The following PCDHA9 variants were observed in gnomAD, a reference collection of about 807,000 sequenced individuals.
PCDHA9 encodes protocadherin alpha 9.
In PCDHA9, 62 loss-of-function variants were observed where a neutral mutation model predicts 62.0. The ratio of observed to expected loss-of-function variants is 1.00; its 90% CI spans 0.81 to 1.23. The LOEUF (loss-of-function observed/expected upper bound fraction) is 1.23. Ranked by LOEUF, PCDHA9 falls within the 50% of genes most tolerant of loss-of-function variation. The probability of loss-of-function intolerance (pLI) is 0.00; values close to 1 mark genes in which losing one functional copy is unlikely to be tolerated. For missense variants in PCDHA9, 1,205 were observed against 1,249.8 expected (o/e 0.96, Z 0.54); for synonymous variants, 557 against 567.6 (o/e 0.98, Z 0.27).
chr5:140,994,434 G>A (rs1238502710), intron 3 of PCDHA9, among the ~76,000 whole-genome samples: 1 of 152,156 alleles, frequency 6.6e-6, no homozygotes, highest in African/African-American at 2.4e-5. Flanking sequence ...CGGGCGCAGT[G>A]GCTCACACCT....
chr5:140,850,095 C>T lies in PCDHA9; in HGVS notation c.1600C>T (p.Gln534Ter), dbSNP rs139719626. 631 of 1,596,304 alleles carry T rather than the reference C, an allele frequency of 4.0e-4. 37 individuals are homozygous for T. In the African/African-American group the frequency reaches 7.2e-3, roughly 18 times the overall value. Residue 534 changes from glutamine (Q) to a stop codon, truncating the protein, a stop_gained, in exon 1 of 4, where the codon CAG becomes TAG. Transcript: ENST00000532602. LOFTEE classifies it high-confidence loss of function. ...CGAGGAGCTGGAGCTGCTACAGTTC[C>T]AGGTGAGCGCGCGCGACGCGGGCGT... ...DHEELELLQFQVSARDAGVPP... is the reference protein window; with the variant it reads ...DHEELELLQF
rs1325390456 is a variant in PCDHA9, at chr5:140,928,073, A to G, written c.2395-50876A>G. 8.7e-6 allele frequency: 14 copies of G among 1,614,066 alleles called. No homozygotes were observed. The highest frequency in any genetic ancestry group is 8.0e-5 in the African/African-American group (6 of 74,934). On this transcript the variant is annotated intron_variant, in intron 1 of 3. Coordinates refer to ENST00000532602, the MANE Select transcript of PCDHA9 (RefSeq NM_031857.2). ...CAGCTGACGGCTTCCTTTGACAACTACTACAGCCTGCTGATTGATGGGCCC... is the reference window on the plus strand; with the variant it reads ...CAGCTGACGGCTTCCTTTGACAACTGCTACAGCCTGCTGATTGATGGGCCC...
intron 1 of PCDHA9, chr5:140,871,434 A>G (rs781977570): frequency 1.9e-6 from 3 of 1,612,514 alleles, no homozygotes; most frequent in Non-Finnish European, 2.5e-6. Context: ...GTCTTCCTCT[A>G]GGTCTGAATA....
At chr5:140,949,670 T>G (rs1218670800) in intron 1 of PCDHA9, among the ~76,000 whole-genome samples, 2 of 151,862 alleles carry the variant, frequency 1.3e-5, no homozygotes, top group African/African-American at 4.8e-5. Flanking sequence ...CTTTAAAGTA[T>G]GCCCTTGTTG....
chr5:140,935,341 G>A (rs1318000398), intron 1 of PCDHA9, among the ~76,000 whole-genome samples: 5 of 152,046 alleles, frequency 3.3e-5, no homozygotes, highest in Non-Finnish European at 5.9e-5. Context: ...TCTCCCATAC[G>A]TCAAATCCCA....
chr5:140,856,704 C>T, intron 1 of PCDHA9: 1 of 1,596,654 alleles, frequency 6.3e-7, no homozygotes, highest in Non-Finnish European at 8.6e-7. Context: ...GGAGGCAAAC[C>T]TGAATTTACC....
In PCDHA9 at chr5:141,011,437, GA is replaced by G. The variant is rs1196462702; in HGVS notation, c.*1501del. The G allele has an allele frequency of 2.6e-5, 4 of 153,726 alleles. No homozygotes were observed. Among genetic ancestry groups the G allele is most frequent in the African/African-American group, 9.7e-5 (4 of 41,440 alleles). 9.5% of individuals were successfully genotyped at this position (153,726 alleles called of 1,614,324 possible). ...TGAATGTTAATGCAACTATTACCTA[GA>G]GTGAACTTTAAGCTTTATTGTTGAA... is the stretch of plus-strand genomic sequence containing the variant. On this transcript the variant is annotated 3_prime_UTR_variant, in exon 4 of 4. Transcript: ENST00000532602.
chr5:140,936,000 C>G (rs370629183), intron 1 of PCDHA9, among the ~76,000 whole-genome samples: 1 of 150,536 alleles, frequency 6.6e-6, no homozygotes, highest in African/African-American at 2.4e-5. Flanking sequence ...TCAAGCGATT[C>G]TCCCACCTCA....
chr5:140,989,387 T>A (rs1269344397), intron 3 of PCDHA9, among the ~76,000 whole-genome samples: 2 of 152,122 alleles, frequency 1.3e-5, no homozygotes, highest in Non-Finnish European at 2.9e-5. Context: ...GTGGGAAAGA[T>A]GATATGGAGG....
At chr5:140,913,299 T>A (rs2076283233) in intron 1 of PCDHA9, among the ~76,000 whole-genome samples, 1 of 152,196 alleles carries the variant, frequency 6.6e-6, no homozygotes, top group South Asian at 2.1e-4. Context: ...AATTTCTTCA[T>A]AGATCAACCT....
intron 1 of PCDHA9, among the ~76,000 whole-genome samples, chr5:140,951,286 T>G (rs537000082): frequency 7.9e-5 from 12 of 152,352 alleles, no homozygotes; most frequent in African/African-American, 2.6e-4. Context: ...TAATTTTGGA[T>G]TATATCTTGA....
At chr5:140,902,860 G>C (rs1360454438) in intron 1 of PCDHA9, among the ~76,000 whole-genome samples, 1 of 152,130 alleles carries the variant, frequency 6.6e-6, no homozygotes, top group Non-Finnish European at 1.5e-5. Context: ...ATGGCGTCCA[G>C]GTCCACCCAA....
At position 140,936,025 on chromosome 5, in the gene PCDHA9, G is replaced by A. The variant is rs542573400; in HGVS notation, c.2395-42924G>A. On this transcript the variant is annotated intron_variant, in intron 1 of 3. Coordinates refer to ENST00000532602, the MANE Select transcript of PCDHA9 (RefSeq NM_031857.2). ...CTCCCACCTCAGCCTCCCGAGTAGC[G>A]GGGATTACAGGCACCCACCACCACA... 1.5e-3 allele frequency among the ~76,000 whole-genome samples: 222 copies of A among 151,390 alleles called. 1 individual carries two copies. The highest frequency in any genetic ancestry group is 6.8e-3 in the Middle Eastern group (2 of 294).
chr5:140,961,343 T>C (rs2095605708), intron 1 of PCDHA9, among the ~76,000 whole-genome samples: 1 of 152,210 alleles, frequency 6.6e-6, no homozygotes, highest in South Asian at 2.1e-4. Flanking sequence ...CAAGAGTGGA[T>C]CCCTGTAGTC....
At chr5:140,926,957 T>G in intron 1 of PCDHA9, 1 of 1,602,892 alleles carries the variant, frequency 6.2e-7, no homozygotes, top group Non-Finnish European at 8.5e-7. Context: ...GCGGGACAGC[T>G]CGAGTACTCA....
intron 1 of PCDHA9, among the ~76,000 whole-genome samples, chr5:140,938,925 CT>C (rs1316558463): frequency 2.0e-5 from 3 of 151,992 alleles, no homozygotes; most frequent in African/African-American, 7.2e-5. Flanking sequence ...AAGAAATTGG[CT>C]TTTAACTTTC....
chr5:140,875,654 C>A lies in PCDHA9; in HGVS notation c.2394+24765C>A, dbSNP rs781924559. The stretch of plus-strand genomic sequence containing the variant: ...GGGCTGGAGCTGGCGGAGCTGGTGC[C>A]GCGCCTGTTCCGGGTGGCGTCCAAA... On this transcript the variant is annotated intron_variant, in intron 1 of 3. Transcript: ENST00000532602. 54 of 1,613,584 alleles carry A rather than the reference C, an allele frequency of 3.3e-5. No homozygotes were observed. Among genetic ancestry groups the A allele is most frequent in the African/African-American group, 1.3e-4 (10 of 74,926 alleles).
intron 1 of PCDHA9, chr5:140,867,368 C>A (rs1036514483): frequency 6.6e-6 from 1 of 151,940 alleles, no homozygotes; most frequent in African/African-American, 2.4e-5. Context: ...TTTACAGATG[C>A]GTAATGGAAT....
In PCDHA9 at chr5:140,848,693, G is replaced by A; in HGVS notation, c.198G>A (p.Leu66=). The change falls in exon 1 of 4, where the codon TTG becomes TTA. Residue 66 remains leucine (L), a synonymous_variant. Transcript: ENST00000532602. ...AGCTGGTGCCGCGCCTGTTCCAGTT[G>A]GATTCCAAAGGCCGCGGGGACCTTC... is the stretch of plus-strand genomic sequence containing the variant. ...LAELVPRLFQ[L]DSKGRGDLLE... is the part of the protein sequence containing the mutation. 1 of 1,592,386 alleles carries A rather than the reference G, an allele frequency of 6.3e-7. No homozygotes were observed. Among genetic ancestry groups the A allele is most frequent in the Non-Finnish European group, 8.6e-7 (1 of 1,163,320 alleles).
Sources: gnomAD v4.1 joint callset for allele counts (sites outside exome capture counted in the v4.1 genomes callset) on GRCh38, gnomAD v4.1.1 for gene constraint, MANE v1.5 for transcripts, NCBI Gene and HGNC (gene_info 2026-07-23, HGNC 2026-07-21) for gene names.